TMEM135: variants seen among roughly 807,000 people sequenced by gnomAD.
TMEM135 encodes the protein transmembrane protein 135.
A neutral mutation model predicts 60.3 loss-of-function variants in TMEM135; 30 were observed. That is an observed-to-expected ratio of 0.50 (90% CI 0.37 to 0.68). The LOEUF (loss-of-function observed/expected upper bound fraction) is 0.68, where lower values mean the gene tolerates loss of function less well. TMEM135 is among the 30% of genes least tolerant of loss of function. TMEM135 has a pLI of 0.00. For missense variants in TMEM135, 468 were observed against 548.8 expected (o/e 0.85, Z 1.47); for synonymous variants, 190 against 186.7 (o/e 1.02, Z -0.14).
intron 5 of TMEM135, among the ~76,000 whole-genome samples, chr11:87,202,681 A>G (rs916545974): frequency 2.6e-5 from 4 of 151,242 alleles, no homozygotes; most frequent in African/African-American, 7.3e-5. Context: ...AACGATTGAC[A>G]TTTGTTGTCA....
intron 6 of TMEM135, among the ~76,000 whole-genome samples, chr11:87,273,497 A>T (rs1217515467): frequency 6.6e-6 from 1 of 152,162 alleles, no homozygotes; most frequent in East Asian, 1.9e-4. Context: ...GACTATGGTT[A>T]TAAAGAAAAA....
At chr11:87,195,308 T>TCC (rs1939908494) in intron 5 of TMEM135, among the ~76,000 whole-genome samples, 2 of 151,114 alleles carry the variant, frequency 1.3e-5, no homozygotes, top group African/African-American at 4.9e-5. Context: ...TTTCTCTTTC[T>TCC]TTCTCTTTCC....
At chr11:87,192,336 G>A (rs986823878) in intron 5 of TMEM135, among the ~76,000 whole-genome samples, 2 of 151,734 alleles carry the variant, frequency 1.3e-5, no homozygotes, top group African/African-American at 2.4e-5. Context: ...GCCATTTCTG[G>A]TACCAATTTC....
At chr11:87,135,597 A>G (rs868465261) in intron 4 of TMEM135, among the ~76,000 whole-genome samples, 7 of 149,504 alleles carry the variant, frequency 4.7e-5, no homozygotes, top group African/African-American at 1.7e-4. Context: ...TCACTGATCT[A>G]TTAGTCTATG....
intron 4 of TMEM135, among the ~76,000 whole-genome samples, chr11:87,135,160 A>G (rs1315532004): frequency 2.0e-5 from 3 of 152,008 alleles, no homozygotes; most frequent in Admixed American, 6.6e-5. Flanking sequence ...TATATTTTGT[A>G]AAAAATTTTT....
intron 6 of TMEM135, among the ~76,000 whole-genome samples, chr11:87,293,120 C>CCTT (rs1478837504): frequency 6.4e-4 from 97 of 152,318 alleles, no homozygotes; most frequent in African/African-American, 2.2e-3. Flanking sequence ...TCCTCACCAT[C>CCTT]TTACCTATCT....
chr11:87,246,175 T>G lies in TMEM135; in HGVS notation c.509+9491T>G, dbSNP rs1410343442. Among the ~76,000 whole-genome samples, 29 of 135,628 alleles carry G rather than the reference T, an allele frequency of 2.1e-4. 1 individual carries two copies. The highest frequency in any genetic ancestry group is 7.4e-4 in the African/African-American group (26 of 35,120). The allele number at this position is 135,628 out of a possible 152,430, so 89.0% of individuals were successfully genotyped here. On this transcript the variant is annotated intron_variant, in intron 6 of 14. Coordinates refer to ENST00000305494, the MANE Select transcript of TMEM135 (RefSeq NM_022918.4). ...TCTTTTCTTTAAGAATGTTGAATAT[T>G]GGCCCCCACTGTCTTCTGGCTTGTA...
intron 1 of TMEM135, among the ~76,000 whole-genome samples, chr11:87,044,737 A>G (rs1410675622): frequency 2.6e-5 from 4 of 151,530 alleles, no homozygotes; most frequent in African/African-American, 9.7e-5. Flanking sequence ...TGCAAGTTCC[A>G]CCTCCTGGGG....
chr11:87,086,299 C>G (rs898275073), intron 3 of TMEM135, among the ~76,000 whole-genome samples: 1 of 152,074 alleles, frequency 6.6e-6, no homozygotes, highest in Non-Finnish European at 1.5e-5. Flanking sequence ...TCTCCACAGC[C>G]AGTGATGCCC....
At position 87,322,583 on chromosome 11, in the gene TMEM135, G is replaced by A. The variant is rs1482803976; in HGVS notation, c.*1250G>A. The A allele has an allele frequency of 2.2e-6, 1 of 453,728 alleles. No homozygotes were observed. The highest frequency in any genetic ancestry group is 6.9e-5 in the East Asian group (1 of 14,406). 28.1% of individuals were successfully genotyped at this position (453,728 alleles called of 1,614,324 possible). A position where few individuals can be genotyped will look rare whatever the true frequency, so the allele number is the denominator to read the frequency against. On this transcript the variant is annotated 3_prime_UTR_variant, in exon 15 of 15. Coordinates refer to ENST00000305494, the MANE Select transcript of TMEM135 (RefSeq NM_022918.4). ...GGTCTACAGTTAATGTGACATGTAG[G>A]GATGATGATATTTTTAAAATACATT...
chr11:87,107,598 C>CT (rs1477136507), intron 4 of TMEM135, among the ~76,000 whole-genome samples: 2 of 152,104 alleles, frequency 1.3e-5, no homozygotes, highest in Non-Finnish European at 2.9e-5. Context: ...ATGAACTCAT[C>CT]TTTTTTATGG....
intron 4 of TMEM135, among the ~76,000 whole-genome samples, chr11:87,108,093 A>G (rs1278763900): frequency 1.3e-5 from 2 of 152,120 alleles, no homozygotes; most frequent in Non-Finnish European, 2.9e-5. Flanking sequence ...TCCTTTGCCC[A>G]CTTGTTGATG....
At chr11:87,267,848 C>T (rs969486376) in intron 6 of TMEM135, among the ~76,000 whole-genome samples, 12 of 152,004 alleles carry the variant, frequency 7.9e-5, no homozygotes, top group Admixed American at 3.9e-4. Context: ...GCCACCACGA[C>T]GCCTGGAGAA....
chr11:87,313,847 G>A (rs972895951), intron 11 of TMEM135, among the ~76,000 whole-genome samples: 16 of 151,784 alleles, frequency 1.1e-4, no homozygotes, highest in African/African-American at 2.7e-4. Context: ...ACTGGAAAGT[G>A]ACCTATATTT....
At chr11:87,146,825 A>G (rs1285430589) in intron 4 of TMEM135, among the ~76,000 whole-genome samples, 3 of 152,022 alleles carry the variant, frequency 2.0e-5, no homozygotes, top group Non-Finnish European at 1.5e-5. Flanking sequence ...CAATGTGTAG[A>G]GAGTTTAAAT....
At chr11:87,149,774 T>A (rs1261008386) in intron 4 of TMEM135, among the ~76,000 whole-genome samples, 1 of 152,362 alleles carries the variant, frequency 6.6e-6, no homozygotes, top group South Asian at 2.1e-4. Flanking sequence ...CATTTACTTA[T>A]ACAATTTATA....
chr11:87,107,118 C>A (rs1857616787), intron 4 of TMEM135, among the ~76,000 whole-genome samples: 1 of 152,156 alleles, frequency 6.6e-6, no homozygotes, highest in African/African-American at 2.4e-5. Flanking sequence ...TTCAACATGA[C>A]ATTTCATTGG....
At chr11:87,190,005 T>C (rs187972153) in intron 5 of TMEM135, among the ~76,000 whole-genome samples, 10 of 152,232 alleles carry the variant, frequency 6.6e-5, no homozygotes, top group African/African-American at 1.9e-4. Context: ...GAACAGTAGA[T>C]ACAAAATCAG....
At chr11:87,104,172 G>A (rs1463286079) in intron 4 of TMEM135, among the ~76,000 whole-genome samples, 4 of 152,052 alleles carry the variant, frequency 2.6e-5, no homozygotes, top group African/African-American at 9.7e-5. Flanking sequence ...TCCTAACGCC[G>A]TTTATTGAGG....
Sources: allele counts gnomAD v4.1 joint callset (sites outside exome capture counted in the v4.1 genomes callset), GRCh38; gene constraint gnomAD v4.1.1; transcripts MANE v1.5; gene names NCBI Gene and HGNC (gene_info 2026-07-23, HGNC 2026-07-21).